The following SF3B2 variants were observed in gnomAD, a reference collection of about 807,000 sequenced individuals.
SF3B2 encodes splicing factor 3b subunit 2.
In SF3B2, 22 loss-of-function variants were observed where a neutral mutation model predicts 116.3. That is an observed-to-expected ratio of 0.19 (90% confidence interval 0.14 to 0.27). The LOEUF (loss-of-function observed/expected upper bound fraction) is 0.27. Ranked by LOEUF, SF3B2 falls within the 10% of genes least tolerant of loss-of-function variation. The probability of loss-of-function intolerance (pLI) is 1.00; values close to 1 mark genes in which losing one functional copy is unlikely to be tolerated. For synonymous variants in SF3B2, 406 were observed against 421.6 expected (o/e 0.96, Z 0.45); for missense variants, 767 against 1,151.4 (o/e 0.67, Z 4.83).
intron 7 of SF3B2, 78 bp downstream of exon 7, chr11:66,057,453 G>T (rs1462688076): frequency 7.9e-6 from 6 of 758,560 alleles, no homozygotes; most frequent in African/African-American, 7.0e-5. Flanking sequence ...TTAGAGAAAG[G>T]TTCTGTGAGA....
intron 19 of SF3B2, chr11:66,067,178 A>G (rs982230824): frequency 4.4e-5 from 12 of 270,876 alleles, no homozygotes; most frequent in African/African-American, 2.4e-4. Context: ...CAGAAGTCTC[A>G]AGCTTTGCAT....
Sources: gnomAD v4.1 joint callset for allele counts on GRCh38, gnomAD v4.1.1 for gene constraint, MANE v1.5 for transcripts, NCBI Gene and HGNC (gene_info 2026-07-23, HGNC 2026-07-21) for gene names.